MTBP: variants seen among roughly 807,000 people sequenced by gnomAD.
The protein encoded by MTBP is MDM2 binding protein.
MTBP carries 101 observed loss-of-function variants against 117.0 expected under a neutral mutation model. That is an observed-to-expected ratio of 0.86 (90% confidence interval 0.73 to 1.02). The LOEUF (loss-of-function observed/expected upper bound fraction) is 1.02, where lower values mean the gene tolerates loss of function less well. MTBP is among the 50% of genes least tolerant of loss of function. The pLI, the probability that MTBP is intolerant of heterozygous loss-of-function variation, is 0.00. For synonymous variants in MTBP, 350 were observed against 351.5 expected, an observed-to-expected ratio of 1.00 and a Z score of 0.05; for missense variants, 970 against 1,030.9, an observed-to-expected ratio of 0.94 and a Z score of 0.81.
intron 13 of MTBP, among the ~76,000 whole-genome samples, chr8:120,495,278 T>C (rs1814427355): frequency 6.6e-6 from 1 of 152,226 alleles, no homozygotes; most frequent in South Asian, 2.1e-4. Context: ...CTTTGCTATG[T>C]TTCTGTTGCG....
intron 16 of MTBP, among the ~76,000 whole-genome samples, chr8:120,507,832 C>T (rs952432431): frequency 6.6e-6 from 1 of 151,862 alleles, no homozygotes; most frequent in Non-Finnish European, 1.5e-5. Flanking sequence ...AGATTGATAA[C>T]CTTTTGTTGT....
intron 18 of MTBP, among the ~76,000 whole-genome samples, chr8:120,516,937 ATT>A (rs1427001165): frequency 6.6e-6 from 1 of 152,044 alleles, no homozygotes; most frequent in East Asian, 1.9e-4. Flanking sequence ...GAACTCAGTC[ATT>A]TTTATGAGGA....
At chr8:120,464,425 AT>A (rs1225086221) in intron 10 of MTBP, among the ~76,000 whole-genome samples, 1 of 151,242 alleles carries the variant, frequency 6.6e-6, no homozygotes, top group Non-Finnish European at 1.5e-5. Flanking sequence ...TGTGAAAACA[AT>A]TTTTAATGCA....
intron 13 of MTBP, among the ~76,000 whole-genome samples, chr8:120,497,184 A>T (rs1563800684): frequency 6.6e-6 from 1 of 152,198 alleles, no homozygotes; most frequent in Non-Finnish European, 1.5e-5. Flanking sequence ...GTATCAATGA[A>T]TTACTTCTGT....
At chr8:120,457,799 C>T (rs1377969234) in intron 7 of MTBP, among the ~76,000 whole-genome samples, 1 of 151,832 alleles carries the variant, frequency 6.6e-6, no homozygotes, top group Non-Finnish European at 1.5e-5. Context: ...TGGCAGGTGC[C>T]TGTAGTCCCA....
At chr8:120,492,818 T>C (rs1043412678) in intron 13 of MTBP, among the ~76,000 whole-genome samples, 1 of 152,194 alleles carries the variant, frequency 6.6e-6, no homozygotes, top group Non-Finnish European at 1.5e-5. Flanking sequence ...TTACATCTAA[T>C]ACTATTTAAT....
chr8:120,489,823 C>T (rs1814305437), intron 12 of MTBP, among the ~76,000 whole-genome samples: 1 of 152,138 alleles, frequency 6.6e-6, no homozygotes. Flanking sequence ...CCCCAAAAGG[C>T]AGCCTGACCT....
At chr8:120,489,263 T>C (rs1314256410) in intron 12 of MTBP, among the ~76,000 whole-genome samples, 1 of 152,078 alleles carries the variant, frequency 6.6e-6, no homozygotes, top group Non-Finnish European at 1.5e-5. Flanking sequence ...GGTCTCGATC[T>C]CTTGACCTCG....
At chr8:120,497,365 A>T (rs2130594672) in intron 13 of MTBP, 28 bp from the exon 14 acceptor site, 2 of 1,566,564 alleles carry the variant, frequency 1.3e-6, no homozygotes, top group East Asian at 4.6e-5. Context: ...AATACAAAAT[A>T]AGTCAATTGT....
intron 11 of MTBP, chr8:120,472,195 T>A (rs1369325898): frequency 6.6e-6 from 1 of 152,218 alleles, no homozygotes; most frequent in Admixed American, 6.5e-5. Flanking sequence ...AATCAGTAGC[T>A]TATACAGTAC....
intron 18 of MTBP, 148 bp from the exon 19 acceptor site, chr8:120,517,703 A>C: frequency 1.6e-6 from 1 of 637,092 alleles, no homozygotes. Context: ...ACAGTGGTAT[A>C]ATATAGTGGT....
At chr8:120,518,871 G>T (rs1235475171) in intron 20 of MTBP, 54 bp downstream of exon 20, 1 of 1,233,084 alleles carries the variant, frequency 8.1e-7, no homozygotes, top group Non-Finnish European at 1.1e-6. Context: ...TAATGTTCCT[G>T]TTTGACATAA....
At chr8:120,514,302 A>G (rs970213399) in intron 17 of MTBP, among the ~76,000 whole-genome samples, 1 of 151,908 alleles carries the variant, frequency 6.6e-6, no homozygotes, top group East Asian at 1.9e-4. Flanking sequence ...TGTATGCTAG[A>G]TTTCTAGATT....
At position 120,451,083 on chromosome 8, in the gene MTBP, T is replaced by A; in HGVS notation, c.273+7T>A. Reference sequence around the variant, plus strand: ...AATATATGGATTTTATCAGGTAATATAAATTTAAAGATAGCTACTAATGAA... The same window carrying A: ...AATATATGGATTTTATCAGGTAATAAAAATTTAAAGATAGCTACTAATGAA... On this transcript the variant is annotated splice_region_variant and intron_variant, in intron 3 of 21. Transcript: ENST00000305949. 1.9e-6 allele frequency: 3 copies of A among 1,605,358 alleles called. No individual in the cohort carries two copies. The highest frequency in any genetic ancestry group is 2.6e-6 in the Non-Finnish European group (3 of 1,175,148).
intron 2 of MTBP, among the ~76,000 whole-genome samples, 197 bp from the exon 3 acceptor site, chr8:120,450,806 T>G (rs1813322555): frequency 6.6e-6 from 1 of 152,198 alleles, no homozygotes; most frequent in Non-Finnish European, 1.5e-5. Flanking sequence ...GTATTTATTG[T>G]GAGTAAAGAA....
intron 11 of MTBP, among the ~76,000 whole-genome samples, chr8:120,481,773 A>G (rs1814089687): frequency 6.6e-6 from 1 of 152,186 alleles, no homozygotes; most frequent in African/African-American, 2.4e-5. Flanking sequence ...TACATACGTA[A>G]ATACATATGT....
chr8:120,459,227 A>C lies in MTBP; in HGVS notation c.760A>C (p.Ile254Leu), dbSNP rs778207905. Residue 254 changes from isoleucine (I) to leucine (L), a missense_variant, in exon 8 of 22, where the codon ATT becomes CTT. Ile to Leu is a conservative substitution (Grantham distance 5). Coordinates refer to ENST00000305949, the MANE Select transcript of MTBP (RefSeq NM_022045.5). Reference sequence around the variant, plus strand: ...GGTCTCTTTTCAGTTTGGATTTGAAATTAGTTTTCCTGAATTTTGTTTAAA... The same window carrying C: ...GGTCTCTTTTCAGTTTGGATTTGAACTTAGTTTTCCTGAATTTTGTTTAAA... ...QIWERKFGFEISFPEFCLKGV... is the reference protein window; with the variant it reads ...QIWERKFGFELSFPEFCLKGV... The C allele has an allele frequency of 1.9e-6, 3 of 1,608,860 alleles. No homozygotes were observed. Among genetic ancestry groups the C allele is most frequent in the Non-Finnish European group, 2.5e-6 (3 of 1,177,308 alleles).
chr8:120,472,171 G>C (rs1813830146), intron 11 of MTBP: 1 of 152,014 alleles, frequency 6.6e-6, no homozygotes, highest in Non-Finnish European at 1.5e-5. Context: ...GAATTTTGAG[G>C]AATACAGTTT....
At chr8:120,517,800 G>C (rs753065140) in intron 18 of MTBP, 51 bp from the exon 19 acceptor site, 2 of 1,537,142 alleles carry the variant, frequency 1.3e-6, no homozygotes, top group South Asian at 1.2e-5. Context: ...AATGAACTTC[G>C]ATGTTGATTC....
Sources: allele counts gnomAD v4.1 joint callset (sites outside exome capture counted in the v4.1 genomes callset), GRCh38; gene constraint gnomAD v4.1.1; transcripts MANE v1.5; gene names NCBI Gene and HGNC (gene_info 2026-07-23, HGNC 2026-07-21).